The following ADAMTSL3 variants were observed in gnomAD, a reference collection of about 807,000 sequenced individuals.
ADAMTSL3 encodes ADAMTS-like protein 3.
ADAMTSL3 carries 128 observed loss-of-function variants against 201.7 expected under a neutral mutation model. The ratio of observed to expected loss-of-function variants is 0.63; its 90% CI spans 0.55 to 0.73. The LOEUF is 0.73. ADAMTSL3 is among the 30% of genes least tolerant of loss of function. ADAMTSL3 has a pLI of 0.00. For missense variants in ADAMTSL3, 1,990 were observed against 2,119.6 expected (o/e 0.94, Z 1.20); for synonymous variants, 738 against 748.4 (o/e 0.99, Z 0.23).
chr15:83,903,505 A>C (rs949763319), intron 15 of ADAMTSL3, among the ~76,000 whole-genome samples: 3 of 152,084 alleles, frequency 2.0e-5, no homozygotes, highest in Non-Finnish European at 4.4e-5. Context: ...TTTTAAACAA[A>C]TACCCCAGGT....
At chr15:83,899,582 C>A in intron 14 of ADAMTSL3, 65 bp from the exon 15 acceptor site, 1 of 1,477,952 alleles carries the variant, frequency 6.8e-7, no homozygotes, top group Non-Finnish European at 9.2e-7. Context: ...CCAATATGAT[C>A]ACCTATCCAA....
chr15:84,037,017 C>A, intron 29 of ADAMTSL3, 30 bp downstream of exon 29: 1 of 1,603,468 alleles, frequency 6.2e-7, no homozygotes, highest in African/African-American at 1.3e-5. Context: ...ATCTCCACTG[C>A]CCCAGAGGCC....
intron 7 of ADAMTSL3, among the ~76,000 whole-genome samples, chr15:83,838,845 C>T (rs781376408): frequency 2.6e-5 from 4 of 152,088 alleles, no homozygotes; most frequent in Non-Finnish European, 4.4e-5. Context: ...AATCAGTAAA[C>T]TTTTTCTGTA....
intron 3 of ADAMTSL3, among the ~76,000 whole-genome samples, chr15:83,753,747 G>C (rs1391682637): frequency 6.6e-6 from 1 of 151,966 alleles, no homozygotes; most frequent in African/African-American, 2.4e-5. Flanking sequence ...TTGAAATTAA[G>C]AGCTTTCTAT....
At chr15:83,801,823 T>C (rs956882785) in intron 4 of ADAMTSL3, among the ~76,000 whole-genome samples, 2 of 150,012 alleles carry the variant, frequency 1.3e-5, no homozygotes, top group South Asian at 4.2e-4. Context: ...CTGAAAATAA[T>C]CAGCAGCATT....
chr15:83,721,198 T>A (rs2062095591), intron 3 of ADAMTSL3, among the ~76,000 whole-genome samples: 2 of 152,230 alleles, frequency 1.3e-5, no homozygotes, highest in African/African-American at 4.8e-5. Flanking sequence ...ATTGGAACAG[T>A]TTGGCAGAAC....
At chr15:83,763,341 A>G (rs1028279046) in intron 3 of ADAMTSL3, among the ~76,000 whole-genome samples, 2 of 151,698 alleles carry the variant, frequency 1.3e-5, no homozygotes, top group Non-Finnish European at 2.9e-5. Flanking sequence ...GGATGGCCAC[A>G]CTCAGTTTTA....
At chr15:83,931,114 C>T (rs2066347779) in intron 17 of ADAMTSL3, among the ~76,000 whole-genome samples, 1 of 152,092 alleles carries the variant, frequency 6.6e-6, no homozygotes, top group South Asian at 2.1e-4. Context: ...TTGCTTTTTC[C>T]AGGAGAGAGC....
chr15:83,982,350 A>G lies in ADAMTSL3; in HGVS notation c.2722A>G (p.Thr908Ala), dbSNP rs759945296. Residue 908 changes from threonine (T) to alanine (A), a missense_variant, in exon 21 of 30, where the codon ACA (threonine) becomes GCA (alanine). Thr to Ala is a moderately conservative substitution (Grantham distance 58). Coordinates refer to ENST00000286744, the MANE Select transcript of ADAMTSL3 (RefSeq NM_207517.3). ...CAGTGTCCAGAGAGTCTACATTCAG[A>G]CAAGGGAAGAGAAGCGTATTAACCT... ...ILSVQRVYIQTREEKRINLTI... is the reference protein window; with the variant it reads ...ILSVQRVYIQAREEKRINLTI... The G allele has an allele frequency of 6.2e-6, 10 of 1,613,900 alleles. No homozygotes were observed. The highest frequency in any genetic ancestry group is 3.3e-5 in the Admixed American group (2 of 59,992).
intron 27 of ADAMTSL3, among the ~76,000 whole-genome samples, chr15:84,027,832 C>A (rs1413593630): frequency 6.6e-6 from 1 of 152,032 alleles, no homozygotes; most frequent in East Asian, 1.9e-4. Flanking sequence ...AATAACAACA[C>A]CCCATAATAA....
intron 15 of ADAMTSL3, among the ~76,000 whole-genome samples, chr15:83,904,219 A>G (rs891917238): frequency 8.0e-5 from 12 of 149,966 alleles, no homozygotes; most frequent in Non-Finnish European, 1.5e-4. Flanking sequence ...TCGCTCTGCA[A>G]TTTTCCTGCA....
At chr15:84,026,083 A>G (rs2141924117) in intron 27 of ADAMTSL3, among the ~76,000 whole-genome samples, 1 of 152,328 alleles carries the variant, frequency 6.6e-6, no homozygotes, top group East Asian at 1.9e-4. Flanking sequence ...TTATTTTAAA[A>G]AAGTATTGGA....
intron 16 of ADAMTSL3, among the ~76,000 whole-genome samples, chr15:83,916,005 A>G (rs1300750182): frequency 6.6e-6 from 1 of 152,192 alleles, no homozygotes; most frequent in Non-Finnish European, 1.5e-5. Flanking sequence ...TTGGTTATAT[A>G]CCTTGGAGTA....
At chr15:83,802,025 C>T (rs1332789889) in intron 4 of ADAMTSL3, among the ~76,000 whole-genome samples, 2 of 152,008 alleles carry the variant, frequency 1.3e-5, no homozygotes, top group Non-Finnish European at 2.9e-5. Context: ...TCAGATTTCT[C>T]CTCTGCAAGT....
chr15:83,804,100 G>C (rs1292224576), intron 4 of ADAMTSL3, among the ~76,000 whole-genome samples: 4 of 151,956 alleles, frequency 2.6e-5, no homozygotes, highest in African/African-American at 4.8e-5. Context: ...CCGAGATCAA[G>C]CCATTGCACT....
At chr15:83,995,663 G>A (rs961854178) in intron 23 of ADAMTSL3, among the ~76,000 whole-genome samples, 2 of 151,898 alleles carry the variant, frequency 1.3e-5, no homozygotes, top group African/African-American at 4.8e-5. Context: ...CTTATTTATA[G>A]ATAATATAAT....
intron 20 of ADAMTSL3, among the ~76,000 whole-genome samples, chr15:83,977,531 G>A (rs1051154098): frequency 5.9e-5 from 9 of 152,124 alleles, no homozygotes; most frequent in African/African-American, 2.2e-4. Flanking sequence ...CTGTGCATTG[G>A]CACCTGAGGG....
chr15:83,991,716 C>T (rs2067586574), intron 23 of ADAMTSL3, among the ~76,000 whole-genome samples: 1 of 152,230 alleles, frequency 6.6e-6, no homozygotes, highest in South Asian at 2.1e-4. Context: ...CAGCCTGTTC[C>T]TCAGTGGCTC....
At chr15:83,884,633 G>A (rs1206686786) in intron 9 of ADAMTSL3, among the ~76,000 whole-genome samples, 1 of 152,046 alleles carries the variant, frequency 6.6e-6, no homozygotes, top group Admixed American at 6.6e-5. Flanking sequence ...GTACACTTAA[G>A]TTGAGTTCTT....
Sources: allele counts gnomAD v4.1 joint callset (sites outside exome capture counted in the v4.1 genomes callset), GRCh38; gene constraint gnomAD v4.1.1; transcripts MANE v1.5; gene names NCBI Gene and HGNC (gene_info 2026-07-23, HGNC 2026-07-21).